The following NAV3 variants were observed in gnomAD, a reference collection of about 807,000 sequenced individuals.
The protein encoded by NAV3 is pore membrane and/or filament interacting like protein 1.
NAV3 carries 87 observed loss-of-function variants against 244.7 expected under a neutral mutation model. The ratio of observed to expected loss-of-function variants is 0.36; its 90% CI spans 0.30 to 0.42. The LOEUF is 0.42. Ranked by LOEUF, NAV3 falls within the 20% of genes least tolerant of loss-of-function variation. The probability of loss-of-function intolerance (pLI) is 1.00; values close to 1 mark genes in which losing one functional copy is unlikely to be tolerated. For synonymous variants in NAV3, 1,126 were observed against 1,042.2 expected (o/e 1.08, Z -1.55); for missense variants, 2,663 against 2,893.3 (o/e 0.92, Z 1.83).
intron 3 of NAV3, among the ~76,000 whole-genome samples, chr12:77,943,027 G>A (rs780864075): frequency 7.2e-5 from 11 of 151,996 alleles, no homozygotes; most frequent in Non-Finnish European, 1.2e-4. Context: ...TTTGATTCTG[G>A]GATTACAGAG....
chr12:77,913,245 G>A (rs1193557864), intron 1 of NAV3, among the ~76,000 whole-genome samples: 1 of 151,998 alleles, frequency 6.6e-6, no homozygotes, highest in Non-Finnish European at 1.5e-5. Flanking sequence ...AAGGAATAAT[G>A]CCTAGTACAT....
chr12:77,609,911 T>C (rs914354329), intron 2 of NAV3, among the ~76,000 whole-genome samples: 24 of 152,160 alleles, frequency 1.6e-4, no homozygotes, highest in African/African-American at 5.8e-4. Context: ...TGAGCCCTTA[T>C]TTCATTTCCC....
intron 1 of NAV3, among the ~76,000 whole-genome samples, chr12:77,916,794 A>G (rs996413338): frequency 2.0e-5 from 3 of 152,154 alleles, no homozygotes; most frequent in Admixed American, 6.6e-5. Context: ...TCTCATTTCA[A>G]TGCTCAGGAC....
At chr12:77,849,529 A>G (rs1283448718) in intron 1 of NAV3, among the ~76,000 whole-genome samples, 1 of 152,206 alleles carries the variant, frequency 6.6e-6, no homozygotes, top group Non-Finnish European at 1.5e-5. Flanking sequence ...AAACACAGTC[A>G]AAACTTTGTT....
In NAV3 at chr12:77,955,303, G is replaced by A. The variant is rs116995381; in HGVS notation, c.415-10926G>A. On this transcript the variant is annotated intron_variant, in intron 3 of 39. Coordinates refer to ENST00000397909, the MANE Select transcript of NAV3 (RefSeq NM_001024383.2). ...CAGTTCACATATAGCTCCTTCCCGCGTTCACCTCGTACCACATCCCCTCCT... is the reference window on the plus strand; with the variant it reads ...CAGTTCACATATAGCTCCTTCCCGCATTCACCTCGTACCACATCCCCTCCT... 5.5e-4 allele frequency among the ~76,000 whole-genome samples: 84 copies of A among 152,042 alleles called. 1 individual carries two copies. In the East Asian group the frequency reaches 0.014, roughly 25 times the overall value.
intron 2 of NAV3, among the ~76,000 whole-genome samples, chr12:77,596,121 A>T (rs758440865): frequency 3.9e-5 from 6 of 152,146 alleles, no homozygotes; most frequent in Non-Finnish European, 8.8e-5. Context: ...GACCAAGCAA[A>T]TCTGGGTCCA....
intron 12 of NAV3, among the ~76,000 whole-genome samples, chr12:78,063,891 T>C (rs300412): frequency 0.38 from 57,631 of 151,930 alleles, 11,011 homozygotes; most frequent in African/African-American, 0.43. Flanking sequence ...ACAAAGGACC[T>C]GGGGGCCATA....
chr12:77,856,644 A>G (rs1878438047), intron 1 of NAV3, among the ~76,000 whole-genome samples: 1 of 152,134 alleles, frequency 6.6e-6, no homozygotes, highest in Admixed American at 6.5e-5. Context: ...TAATAAAATA[A>G]CATTCTTAAT....
intron 12 of NAV3, among the ~76,000 whole-genome samples, chr12:78,069,200 G>A (rs1952628572): frequency 6.6e-6 from 1 of 151,570 alleles, no homozygotes. Flanking sequence ...TTTGCAATAA[G>A]CTTGGTTTTT....
intron 1 of NAV3, among the ~76,000 whole-genome samples, chr12:77,864,071 C>T (rs746340200): frequency 1.3e-5 from 2 of 151,846 alleles, no homozygotes; most frequent in Non-Finnish European, 2.9e-5. Context: ...TGGTACATCA[C>T]ACACAATAAA....
intron 2 of NAV3, among the ~76,000 whole-genome samples, chr12:77,655,827 T>G (rs920714460): frequency 6.6e-6 from 1 of 151,974 alleles, no homozygotes; most frequent in African/African-American, 2.4e-5. Context: ...AAAAGAATTT[T>G]CAACCCAGAA....
chr12:78,076,207 G>C (rs1423837762), intron 12 of NAV3, among the ~76,000 whole-genome samples: 1 of 152,110 alleles, frequency 6.6e-6, no homozygotes, highest in African/African-American at 2.4e-5. Context: ...CCTAAAACCA[G>C]CTATTCTGTG....
intron 2 of NAV3, among the ~76,000 whole-genome samples, chr12:77,676,833 C>A (rs919921413): frequency 1.3e-5 from 2 of 151,288 alleles, no homozygotes; most frequent in Non-Finnish European, 2.9e-5. Flanking sequence ...CCCTCCCCTC[C>A]AAAAAAAACC....
intron 28 of NAV3, among the ~76,000 whole-genome samples, chr12:78,178,963 C>T (rs445975): frequency 6.6e-6 from 1 of 151,864 alleles, no homozygotes; most frequent in African/African-American, 2.4e-5. Context: ...TCAGCTGAGC[C>T]CAGTAGGGAG....
chr12:78,022,568 A>G (rs1281089222), intron 9 of NAV3, among the ~76,000 whole-genome samples: 1 of 152,158 alleles, frequency 6.6e-6, no homozygotes, highest in Admixed American at 6.6e-5. Context: ...GCATGAAAGT[A>G]GGGGTGTGTC....
At chr12:78,089,364 T>C (rs1008020170) in intron 12 of NAV3, among the ~76,000 whole-genome samples, 1 of 152,158 alleles carries the variant, frequency 6.6e-6, no homozygotes, top group African/African-American at 2.4e-5. Flanking sequence ...ACATATTTTT[T>C]AAAGCCACTA....
chr12:78,174,399 G>A (rs148403659), intron 24 of NAV3, among the ~76,000 whole-genome samples: 46 of 151,886 alleles, frequency 3.0e-4, no homozygotes, highest in African/African-American at 9.9e-4. Context: ...CATATGCTGC[G>A]TACATGGCTT....
Position 77,775,788 on chromosome 12 carries a change from G to A in NAV3, c.73-164531G>A, listed in dbSNP as rs370624888. Reference sequence around the variant, plus strand: ...TTTGTCACTAAATATAATAAAGCACGATTCTTACAATGAGATCTAAATGGG... The same window carrying A: ...TTTGTCACTAAATATAATAAAGCACAATTCTTACAATGAGATCTAAATGGG... On this transcript the variant is annotated intron_variant, in intron 2 of 8. Transcript: ENST00000550042. 16 of 152,254 alleles carry A rather than the reference G, an allele frequency of 1.1e-4. No individual in the cohort carries two copies. In the East Asian group the frequency reaches 2.1e-3, roughly 20 times the overall value. 9.4% of individuals were successfully genotyped at this position (152,254 alleles called of 1,614,324 possible).
chr12:77,915,609 G>C (rs1280407054), intron 1 of NAV3, among the ~76,000 whole-genome samples: 1 of 151,904 alleles, frequency 6.6e-6, no homozygotes, highest in Non-Finnish European at 1.5e-5. Flanking sequence ...ATTTTGCTAT[G>C]TTATACCTGC....
Sources: allele counts gnomAD v4.1 joint callset (sites outside exome capture counted in the v4.1 genomes callset), GRCh38; gene constraint gnomAD v4.1.1; transcripts MANE v1.5; gene names NCBI Gene and HGNC (gene_info 2026-07-23, HGNC 2026-07-21).